CDHR3: variants seen among roughly 807,000 people sequenced by gnomAD.
CDHR3 encodes the protein cadherin related family member 3.
In CDHR3, 79 loss-of-function variants were observed where a neutral mutation model predicts 86.6. The observed-to-expected ratio is 0.91, with a 90% CI of 0.76 to 1.10. CDHR3 has a LOEUF of 1.10. Among genes scored for constraint, CDHR3 ranks in the 50% least tolerant of loss-of-function variants. The pLI is 0.00. For missense variants in CDHR3, 1,081 were observed against 1,077.6 expected, an observed-to-expected ratio of 1.00 and a Z score of -0.04; for synonymous variants, 421 against 402.4, an observed-to-expected ratio of 1.05 and a Z score of -0.55.
intron 7 of CDHR3, among the ~76,000 whole-genome samples, chr7:106,003,672 T>C (rs959365574): frequency 3.9e-5 from 6 of 152,092 alleles, no homozygotes; most frequent in Admixed American, 1.3e-4. Context: ...TAAGTCCTGA[T>C]TGCATCACCA....
rs758330387 is a variant in CDHR3, at chr7:105,974,924, A to C, written c.127A>C (p.Lys43Gln). ...TTCTCCACCTGGGACTTCAGTGCACAAGTTTTCTGTGAAGTTATCAGCATC... is the reference window on the plus strand; with the variant it reads ...TTCTCCACCTGGGACTTCAGTGCACCAGTTTTCTGTGAAGTTATCAGCATC... ...ENSPPGTSVH[K>Q]FSVKLSASLS... The change falls in exon 2 of 19, where the codon AAG becomes CAG. Residue 43 changes from lysine (K) to glutamine (Q), a missense_variant. Physicochemically the swap from Lys to Gln is moderately conservative, Grantham distance 53. Transcript: ENST00000317716. 3.1e-6 allele frequency: 5 copies of C among 1,613,882 alleles called. No homozygotes were observed. The Admixed American group carries it at 6.7e-5, about 22-fold the overall frequency.
Position 106,001,609 on chromosome 7 carries a change from G to A in CDHR3, c.861G>A (p.Gln287=). 2 of 1,613,906 alleles carry A rather than the reference G, an allele frequency of 1.2e-6. No individual in the cohort carries two copies. Among genetic ancestry groups the A allele is most frequent in the Non-Finnish European group, 1.7e-6 (2 of 1,179,830 alleles). ...TTVSKYFMIN[Q]LTGTIQVAQR... Reference sequence around the variant, plus strand: ...TTAGCAAATATTTCATGATAAATCAGTGTAAGCCACTCACTTCCATCCTTA... The same window carrying A: ...TTAGCAAATATTTCATGATAAATCAATGTAAGCCACTCACTTCCATCCTTA... Residue 287 remains glutamine (Q), a splice_region_variant and synonymous_variant, in exon 7 of 19, where the codon CAG becomes CAA. Transcript: ENST00000317716.
At chr7:105,977,623 C>T (rs978653453) in intron 2 of CDHR3, among the ~76,000 whole-genome samples, 2 of 152,236 alleles carry the variant, frequency 1.3e-5, no homozygotes, top group Admixed American at 6.5e-5. Context: ...CCAACGTCCT[C>T]TACCATCCCT....
intron 11 of CDHR3, among the ~76,000 whole-genome samples, chr7:106,017,038 T>C (rs916633063): frequency 1.3e-4 from 20 of 152,120 alleles, no homozygotes; most frequent in African/African-American, 4.8e-4. Flanking sequence ...TTTGTAAAAA[T>C]TGCAAAATGG....
rs35008315 is a variant in CDHR3 at position 105,974,960 on chromosome 7, G to A, written c.163G>A (p.Val55Met). 0.2 allele frequency: 315,108 copies of A among 1,612,000 alleles called. 32,544 individuals carry two copies. The highest frequency in any genetic ancestry group is 0.25 in the East Asian group (11,263 of 44,854). Reference protein sequence around the residue: ...SVKLSASLSPVIPGFPQIVNS... With the variant: ...SVKLSASLSPMIPGFPQIVNS... ...GAAGTTATCAGCATCATTGTCACCTGTGATCCCAGGATTTCCCCAGATAGT... is the reference window on the plus strand; with the variant it reads ...GAAGTTATCAGCATCATTGTCACCTATGATCCCAGGATTTCCCCAGATAGT... The change falls in exon 2 of 19, where the codon GTG becomes ATG. Residue 55 changes from valine (V) to methionine (M), a missense_variant. Coordinates refer to ENST00000317716, the MANE Select transcript of CDHR3 (RefSeq NM_152750.5).
chr7:106,025,600 T>C (rs1837232527), intron 15 of CDHR3, among the ~76,000 whole-genome samples: 1 of 152,148 alleles, frequency 6.6e-6, no homozygotes, highest in African/African-American at 2.4e-5. Flanking sequence ...AGTTCTAGGA[T>C]CTCTCAATGG....
chr7:105,979,128 A>G (rs887731092), intron 2 of CDHR3, among the ~76,000 whole-genome samples: 1 of 152,164 alleles, frequency 6.6e-6, no homozygotes, highest in Non-Finnish European at 1.5e-5. Context: ...AGCTCATCGA[A>G]TCCTCATGAT....
intron 4 of CDHR3, 144 bp downstream of exon 4, chr7:105,984,433 ATGGTTGGAATGAATAAAGGGGCTC>A: frequency 2.0e-6 from 1 of 504,016 alleles, no homozygotes; most frequent in Admixed American, 3.4e-5. Flanking sequence ...TGTATGCAGG[ATGGTTGGAATGAATAAAGGGGCTC>A]TGGGGCCAGA....
At position 106,032,504 on chromosome 7, in the gene CDHR3, G is replaced by T; in HGVS notation, c.2465G>T (p.Arg822Leu). ...KESSHQGAAPRRVTAGEGMGS... is the reference protein window; with the variant it reads ...KESSHQGAAPLRVTAGEGMGS... ...TCCAGCCACCAGGGAGCTGCCCCAC[G>T]CAGAGTCACTGCTGGGGAAGGGATG... Residue 822 changes from arginine (R) to leucine (L), a missense_variant, in exon 19 of 19, where the codon CGC (arginine) becomes CTC (leucine). Physicochemically the swap from Arg to Leu is moderately radical, Grantham distance 102. Coordinates refer to ENST00000317716, the MANE Select transcript of CDHR3 (RefSeq NM_152750.5). 4 of 1,614,002 alleles carry T rather than the reference G, an allele frequency of 2.5e-6. No individual in the cohort carries two copies. In the South Asian group the frequency reaches 3.3e-5, roughly 13 times the overall value.
chr7:105,968,474 C>T (rs942473860), intron 1 of CDHR3, among the ~76,000 whole-genome samples: 4 of 152,040 alleles, frequency 2.6e-5, no homozygotes, highest in Admixed American at 6.5e-5. Context: ...GATTCTCCTG[C>T]CTCAGCCTCC....
intron 5 of CDHR3, 64 bp from the exon 6 acceptor site, chr7:105,996,186 C>G: frequency 1.1e-6 from 1 of 874,336 alleles, no homozygotes; most frequent in Non-Finnish European, 1.9e-6. Context: ...ATGATTTTCC[C>G]CATCCTATTT....
intron 2 of CDHR3, among the ~76,000 whole-genome samples, chr7:105,976,181 C>T (rs1039371342): frequency 9.9e-5 from 15 of 152,162 alleles, no homozygotes; most frequent in African/African-American, 3.4e-4. Flanking sequence ...GCTGCTGCTC[C>T]TTGGTTCCTG....
chr7:105,991,834 G>A (rs549367800), intron 4 of CDHR3, among the ~76,000 whole-genome samples: 54 of 152,296 alleles, frequency 3.5e-4, no homozygotes, highest in Non-Finnish European at 6.2e-4. Flanking sequence ...GACAGCAGTA[G>A]TTAACATTTA....
chr7:105,965,919 T>C (rs1186413417), intron 1 of CDHR3, among the ~76,000 whole-genome samples: 1 of 152,224 alleles, frequency 6.6e-6, no homozygotes, highest in African/African-American at 2.4e-5. Flanking sequence ...CCACATTTAC[T>C]GATACACCCC....
At chr7:106,027,715 C>T in intron 16 of CDHR3, 1 of 443,054 alleles carries the variant, frequency 2.3e-6, no homozygotes, top group South Asian at 1.6e-5. Context: ...GTCTGACATG[C>T]TTAAGGCATG....
chr7:106,028,555 G>A lies in CDHR3; in HGVS notation c.2277G>A (p.Thr759=), dbSNP rs267601221. The A allele has an allele frequency of 8.1e-6, 13 of 1,613,844 alleles. No individual in the cohort carries two copies. The African/African-American group carries it at 1.5e-4, about 18-fold the overall frequency. Reference sequence around the variant, plus strand: ...TGCCTGTTCTGTTCTCTGCAGAAACGAAGACTGCAGAGAGAGACGTCGTGG... The same window carrying A: ...TGCCTGTTCTGTTCTCTGCAGAAACAAAGACTGCAGAGAGAGACGTCGTGG... The part of the protein sequence containing the change: ...NKEPLTKKGE[T]KTAERDVVVE... The change falls in exon 17 of 19, where the codon ACG becomes ACA. Residue 759 remains threonine, a synonymous_variant. Coordinates refer to ENST00000317716, the MANE Select transcript of CDHR3 (RefSeq NM_152750.5).
At chr7:105,972,092 C>G (rs532019106) in intron 1 of CDHR3, among the ~76,000 whole-genome samples, 3 of 152,180 alleles carry the variant, frequency 2.0e-5, no homozygotes, top group African/African-American at 7.2e-5. Flanking sequence ...TGACTGTTCC[C>G]TGAGTGGTAT....
In CDHR3 at chr7:105,985,699, A is replaced by G. The variant is rs145825310; in HGVS notation, c.513+1410A>G. On this transcript the variant is annotated intron_variant, in intron 4 of 18. Coordinates refer to ENST00000317716, the MANE Select transcript of CDHR3 (RefSeq NM_152750.5). ...CACCCATTCATTCATTAACTCATTCATTCATGTTAATATTTGCATGAATAA... is the reference window on the plus strand; with the variant it reads ...CACCCATTCATTCATTAACTCATTCGTTCATGTTAATATTTGCATGAATAA... Among the ~76,000 whole-genome samples the G allele has an allele frequency of 3.3e-3, 503 of 152,288 alleles. 4 individuals are homozygous for G. Among genetic ancestry groups the G allele is most frequent in the African/African-American group, 0.012 (482 of 41,568 alleles).
At chr7:105,972,704 A>G (rs1409846047) in intron 1 of CDHR3, among the ~76,000 whole-genome samples, 1 of 152,226 alleles carries the variant, frequency 6.6e-6, no homozygotes, top group African/African-American at 2.4e-5. Context: ...GGTTTTTACC[A>G]TAAGAATGCT....
Sources: allele counts gnomAD v4.1 joint callset (sites outside exome capture counted in the v4.1 genomes callset), GRCh38; gene constraint gnomAD v4.1.1; transcripts MANE v1.5; gene names NCBI Gene and HGNC (gene_info 2026-07-23, HGNC 2026-07-21).